Variants in GRB10 observed in about 807,000 individuals in gnomAD.
The protein encoded by GRB10 is growth factor receptor-bound protein 10.
In GRB10, 20 loss-of-function variants were observed where a neutral mutation model predicts 80.9. The observed-to-expected ratio is 0.25, with a 90% confidence interval of 0.17 to 0.36. The LOEUF is 0.36. GRB10 is among the 10% of genes least tolerant of loss of function. The pLI is 1.00. For synonymous variants in GRB10, 291 were observed against 291.5 expected (o/e 1.00, Z 0.02); for missense variants, 548 against 747.7 (o/e 0.73, Z 3.12).
At chr7:50,682,330 C>T (rs1036891075) in intron 5 of GRB10, among the ~76,000 whole-genome samples, 7 of 152,220 alleles carry the variant, frequency 4.6e-5, no homozygotes, top group African/African-American at 1.7e-4. Flanking sequence ...TTGCTAGGCT[C>T]TGCTCATTTT....
chr7:50,656,143 T>C (rs1316065898), intron 7 of GRB10, among the ~76,000 whole-genome samples: 1 of 152,170 alleles, frequency 6.6e-6, no homozygotes. Context: ...GTAAGGGCGT[T>C]ATTTCCTGAC....
At chr7:50,776,779 G>A (rs1385664608) in intron 2 of GRB10, among the ~76,000 whole-genome samples, 2 of 151,992 alleles carry the variant, frequency 1.3e-5, no homozygotes, top group Non-Finnish European at 2.9e-5. Flanking sequence ...TTCCATATAC[G>A]ACCACAGCAG....
upstream of GRB10, among the ~76,000 whole-genome samples, chr7:50,787,366 T>C (rs891114204): frequency 3.9e-5 from 6 of 152,250 alleles, no homozygotes; most frequent in African/African-American, 1.4e-4. Flanking sequence ...AAAAATCTGC[T>C]GATAAGTTAC....
chr7:50,605,533 C>T, intron 14 of GRB10, 127 bp from the exon 15 acceptor site: 2 of 816,508 alleles, frequency 2.4e-6, no homozygotes, highest in East Asian at 2.5e-5. Flanking sequence ...CCTCTGAACT[C>T]CCCAAGTTTC....
At chr7:50,637,746 A>C (rs576439307) in intron 7 of GRB10, among the ~76,000 whole-genome samples, 155 of 152,124 alleles carry the variant, frequency 1.0e-3, no homozygotes, top group Admixed American at 3.5e-3. Flanking sequence ...TTGAATAGCC[A>C]CAGCAATTCT....
At chr7:50,621,680 A>G (rs2051781204) in intron 8 of GRB10, among the ~76,000 whole-genome samples, 1 of 152,248 alleles carries the variant, frequency 6.6e-6, no homozygotes, top group South Asian at 2.1e-4. Flanking sequence ...GCATGATTAT[A>G]AACAATCACA....
At chr7:50,667,253 C>A (rs1180934533) in intron 7 of GRB10, among the ~76,000 whole-genome samples, 2 of 152,132 alleles carry the variant, frequency 1.3e-5, no homozygotes, top group African/African-American at 4.8e-5. Flanking sequence ...AGTTTCCAAT[C>A]ACCTCACTAT....
At chr7:50,777,793 T>C (rs554190171) in intron 2 of GRB10, among the ~76,000 whole-genome samples, 11 of 152,228 alleles carry the variant, frequency 7.2e-5, no homozygotes, top group Admixed American at 2.0e-4. Context: ...GAAGCCATCA[T>C]CCTCAACAAA....
chr7:50,712,386 AAAG>A (rs1437346407), intron 4 of GRB10, among the ~76,000 whole-genome samples: 7 of 152,226 alleles, frequency 4.6e-5, no homozygotes, highest in African/African-American at 1.7e-4. Context: ...GATGGGGGAA[AAAG>A]AAAAGTCAGC....
chr7:50,792,877 C>G (rs2078992405), intron 1 of GRB10: 1 of 148,708 alleles, frequency 6.7e-6, no homozygotes, highest in Non-Finnish European at 1.5e-5. Context: ...CGGCGTCTGA[C>G]AAGATGGTTC....
At chr7:50,721,197 G>A (rs1382751164) in intron 4 of GRB10, among the ~76,000 whole-genome samples, 2 of 152,216 alleles carry the variant, frequency 1.3e-5, no homozygotes, top group African/African-American at 4.8e-5. Context: ...GTTACCCACA[G>A]TCAACTGTGG....
chr7:50,703,791 G>A (rs746010486), intron 5 of GRB10, 30 bp downstream of exon 5: 64 of 1,501,976 alleles, frequency 4.3e-5, no homozygotes, highest in Non-Finnish European at 5.6e-5. Flanking sequence ...CTAGAACTGG[G>A]AGTGTTCTTG....
intron 5 of GRB10, among the ~76,000 whole-genome samples, chr7:50,699,540 C>T (rs1381029242): frequency 6.6e-6 from 1 of 152,124 alleles, no homozygotes; most frequent in East Asian, 1.9e-4. Context: ...TTAATTCTGA[C>T]ATATTCAGTG....
At chr7:50,632,087 G>A (rs1253823243) in intron 7 of GRB10, among the ~76,000 whole-genome samples, 1 of 152,170 alleles carries the variant, frequency 6.6e-6, no homozygotes, top group Non-Finnish European at 1.5e-5. Flanking sequence ...TCAGACTAGG[G>A]CATAACCAAC....
intron 5 of GRB10, among the ~76,000 whole-genome samples, chr7:50,700,909 A>C (rs2064113794): frequency 6.6e-6 from 1 of 152,270 alleles, no homozygotes. Context: ...TTTAGAAAAG[A>C]ATCAAGAGTC....
chr7:50,635,941 C>CT (rs55836738), intron 7 of GRB10, among the ~76,000 whole-genome samples: 8 of 94,874 alleles, frequency 8.4e-5, no homozygotes, highest in African/African-American at 2.1e-4. Context: ...GGATCCACAG[C>CT]TTTTTTTTTT....
At chr7:50,759,616 T>C (rs34299821) in intron 2 of GRB10, among the ~76,000 whole-genome samples, 1 of 152,230 alleles carries the variant, frequency 6.6e-6, no homozygotes, top group Non-Finnish European at 1.5e-5. Context: ...TGTTTTATTG[T>C]TATATTTGAT....
intron 3 of GRB10, among the ~76,000 whole-genome samples, chr7:50,739,571 C>T (rs1015071945): frequency 1.3e-5 from 2 of 152,210 alleles, no homozygotes; most frequent in African/African-American, 4.8e-5. Flanking sequence ...GCTAAGAACC[C>T]ATGCAATCCA....
At chr7:50,758,249 C>T (rs1170932055) in intron 2 of GRB10, among the ~76,000 whole-genome samples, 1 of 152,138 alleles carries the variant, frequency 6.6e-6, no homozygotes, top group Non-Finnish European at 1.5e-5. Flanking sequence ...CGAGAGTAGA[C>T]CAGCACACTT....
Sources: gnomAD v4.1 joint callset for allele counts (sites outside exome capture counted in the v4.1 genomes callset) on GRCh38, gnomAD v4.1.1 for gene constraint, MANE v1.5 for transcripts, NCBI Gene and HGNC (gene_info 2026-07-23, HGNC 2026-07-21) for gene names.